ADGRF5: variants seen among roughly 807,000 people sequenced by gnomAD.
ADGRF5 encodes the protein G-protein coupled receptor 116.
In ADGRF5, 75 loss-of-function variants were observed where a neutral mutation model predicts 132.3. The ratio of observed to expected loss-of-function variants is 0.57; its 90% CI spans 0.47 to 0.69. ADGRF5 has a LOEUF of 0.69. Ranked by LOEUF, ADGRF5 falls within the 30% of genes least tolerant of loss-of-function variation. The pLI is 0.00. For missense variants in ADGRF5, 1,516 were observed against 1,630.6 expected (o/e 0.93, Z 1.21); for synonymous variants, 629 against 597.6 (o/e 1.05, Z -0.77).
upstream of ADGRF5, among the ~76,000 whole-genome samples, chr6:46,923,734 T>C (rs1246946708): frequency 6.6e-6 from 1 of 152,142 alleles, no homozygotes; most frequent in Non-Finnish European, 1.5e-5. Flanking sequence ...TGCTTGTTGT[T>C]AGGAACACTA....
chr6:46,928,422 A>AT (rs1561829272), intron 1 of ADGRF5, among the ~76,000 whole-genome samples: 1 of 152,272 alleles, frequency 6.6e-6, no homozygotes, highest in East Asian at 1.9e-4. Flanking sequence ...ACAACCAGAA[A>AT]AATAACCAAG....
intron 4 of ADGRF5, among the ~76,000 whole-genome samples, chr6:46,887,345 A>G (rs1773160428): frequency 6.6e-6 from 1 of 152,204 alleles, no homozygotes; most frequent in East Asian, 1.9e-4. Context: ...TATTTTCCAA[A>G]GTACCCTAGT....
intron 6 of ADGRF5, among the ~76,000 whole-genome samples, chr6:46,882,653 C>T (rs1772607581): frequency 6.6e-6 from 1 of 152,182 alleles, no homozygotes; most frequent in Non-Finnish European, 1.5e-5. Context: ...GGTTGGTGTG[C>T]CAGGTACCTA....
intron 1 of ADGRF5, among the ~76,000 whole-genome samples, chr6:46,945,254 T>A (rs553044809): frequency 2.0e-4 from 31 of 152,348 alleles, no homozygotes; most frequent in African/African-American, 7.0e-4. Context: ...TTAAGAATTG[T>A]GATTTTGACT....
At chr6:46,892,694 G>A (rs1454390447) in intron 3 of ADGRF5, among the ~76,000 whole-genome samples, 1 of 152,120 alleles carries the variant, frequency 6.6e-6, no homozygotes, top group Non-Finnish European at 1.5e-5. Context: ...AGGTTGCAGT[G>A]AGCCGAGATT....
chr6:46,948,492 GTGTGTGTGTGTGTGTGTGTGTGTA>G, intron 1 of ADGRF5, among the ~76,000 whole-genome samples: 1 of 151,724 alleles, frequency 6.6e-6, no homozygotes, highest in East Asian at 1.9e-4. Context: ...GTGTGTGTGT[GTGTGTGTGTGTGTGTGTGTGTGTA>G]TGTGTGTGTT....
chr6:46,914,980 C>G (rs1216731344), intron 1 of ADGRF5, among the ~76,000 whole-genome samples: 1 of 151,844 alleles, frequency 6.6e-6, no homozygotes, highest in African/African-American at 2.4e-5. Flanking sequence ...CTCAGCCTCC[C>G]AAGTAGCTGA....
chr6:46,932,237 C>T (rs1043722796), intron 1 of ADGRF5, among the ~76,000 whole-genome samples: 2 of 151,804 alleles, frequency 1.3e-5, no homozygotes, highest in Non-Finnish European at 1.5e-5. Context: ...TATTTTTTGA[C>T]CATTAGTTTT....
intron 3 of ADGRF5, among the ~76,000 whole-genome samples, chr6:46,890,442 G>A (rs1353820715): frequency 1.3e-5 from 2 of 152,082 alleles, no homozygotes; most frequent in South Asian, 2.1e-4. Flanking sequence ...AGTAGGGCGG[G>A]CGCCATGGCT....
intron 2 of ADGRF5, among the ~76,000 whole-genome samples, chr6:46,904,169 A>G (rs561922806): frequency 9.2e-5 from 14 of 152,310 alleles, no homozygotes; most frequent in Admixed American, 2.6e-4. Context: ...CTCTGGGCAG[A>G]TCCATGCTTA....
At chr6:46,864,974 G>A (rs1332969154) in intron 14 of ADGRF5, 68 bp downstream of exon 14, 10 of 1,017,768 alleles carry the variant, frequency 9.8e-6, no homozygotes, top group Admixed American at 2.0e-5. Flanking sequence ...GGATGAATGA[G>A]GGAGTGAATA....
At chr6:46,940,261 T>C (rs1261073029) in intron 1 of ADGRF5, among the ~76,000 whole-genome samples, 5 of 152,232 alleles carry the variant, frequency 3.3e-5, no homozygotes, top group African/African-American at 2.4e-5. Flanking sequence ...CACTTGCTAT[T>C]ATACTTTTCA....
intron 3 of ADGRF5, 67 bp downstream of exon 3, chr6:46,899,962 A>G (rs1774579263): frequency 9.2e-7 from 1 of 1,086,560 alleles, no homozygotes; most frequent in African/African-American, 1.5e-5. Context: ...ACAATGTTTT[A>G]AAAAGTTGCA....
At chr6:46,862,432 T>C (rs1450271722) in intron 15 of ADGRF5, among the ~76,000 whole-genome samples, 1 of 152,186 alleles carries the variant, frequency 6.6e-6, no homozygotes, top group Non-Finnish European at 1.5e-5. Flanking sequence ...TTCCAAGTAG[T>C]CAGAAAATTT....
At chr6:46,864,964 G>A (rs1001662338) in intron 14 of ADGRF5, 78 bp downstream of exon 14, 64 of 929,924 alleles carry the variant, frequency 6.9e-5, no homozygotes, top group East Asian at 2.4e-5. Context: ...TATTGAATGG[G>A]GATGAATGAG....
chr6:46,877,283 C>CT (rs1167331458), intron 10 of ADGRF5, among the ~76,000 whole-genome samples: 1 of 50,386 alleles, frequency 2.0e-5, no homozygotes, highest in East Asian at 4.7e-4. Context: ...TTCTTTCTTT[C>CT]TTTCTTTCTC....
chr6:46,924,175 A>G (rs114864274), upstream of ADGRF5, among the ~76,000 whole-genome samples: 6,548 of 152,152 alleles, frequency 0.043, 213 homozygotes, highest in African/African-American at 0.085. Context: ...GGTAACGTTT[A>G]GTCTCTTTTT....
At chr6:46,870,771 TG>T in intron 11 of ADGRF5, 1 of 412,012 alleles carries the variant, frequency 2.4e-6, no homozygotes, top group Non-Finnish European at 4.9e-6. Flanking sequence ...CCCAGTTTTG[TG>T]GATAGAGGTA....
At chr6:46,894,286 T>C (rs1383272007) in intron 3 of ADGRF5, among the ~76,000 whole-genome samples, 2 of 152,332 alleles carry the variant, frequency 1.3e-5, no homozygotes, top group East Asian at 3.9e-4. Context: ...GCAGATGCAG[T>C]GAAGGGATCT....
Sources: gnomAD v4.1 joint callset for allele counts (sites outside exome capture counted in the v4.1 genomes callset) on GRCh38, gnomAD v4.1.1 for gene constraint, MANE v1.5 for transcripts, NCBI Gene and HGNC (gene_info 2026-07-23, HGNC 2026-07-21) for gene names.